Variants in CCSER1 observed in about 807,000 individuals in gnomAD.
CCSER1 encodes the protein coiled-coil serine rich protein 1.
Under a neutral mutation model 82.0 loss-of-function variants are expected in CCSER1, and 41 were observed. The ratio of observed to expected loss-of-function variants is 0.50; its 90% CI spans 0.39 to 0.65. CCSER1 has a LOEUF of 0.65. Among genes scored for constraint, CCSER1 ranks in the 30% least tolerant of loss-of-function variants. CCSER1 has a pLI of 0.00. For missense variants in CCSER1, 1,119 were observed against 1,064.2 expected (o/e 1.05, Z -0.72); for synonymous variants, 414 against 383.9 (o/e 1.08, Z -0.92).
At chr4:90,320,192 C>G (rs1736888163) in intron 3 of CCSER1, among the ~76,000 whole-genome samples, 1 of 152,018 alleles carries the variant, frequency 6.6e-6, no homozygotes, top group Non-Finnish European at 1.5e-5. Flanking sequence ...AATATAGCAC[C>G]TGGTGGAAAA....
chr4:90,207,066 A>C (rs764758645), intron 1 of CCSER1, among the ~76,000 whole-genome samples: 112 of 149,776 alleles, frequency 7.5e-4, no homozygotes, highest in Non-Finnish European at 1.4e-3. Flanking sequence ...CTTTATTTTG[A>C]GCCTGTTGTG....
At chr4:90,166,372 T>C (rs778027513) in intron 1 of CCSER1, among the ~76,000 whole-genome samples, 1 of 151,942 alleles carries the variant, frequency 6.6e-6, no homozygotes, top group Non-Finnish European at 1.5e-5. Context: ...TTTAGTGTTG[T>C]GTAATAGCAA....
chr4:90,510,091 C>G (rs566433042), intron 5 of CCSER1, among the ~76,000 whole-genome samples: 88 of 152,102 alleles, frequency 5.8e-4, no homozygotes, highest in African/African-American at 2.0e-3. Context: ...CACATTGGAA[C>G]ATAAGATATG....
chr4:90,873,571 A>G (rs888359229), intron 8 of CCSER1, among the ~76,000 whole-genome samples: 6 of 152,070 alleles, frequency 3.9e-5, no homozygotes, highest in Admixed American at 6.6e-5. Context: ...AACAAATAAT[A>G]TTTTGAAGCT....
intron 4 of CCSER1, among the ~76,000 whole-genome samples, chr4:90,427,102 A>T (rs1195721651): frequency 2.0e-5 from 3 of 152,048 alleles, no homozygotes; most frequent in African/African-American, 7.2e-5. Context: ...GTTTAGAGAC[A>T]ATTTTGTGTG....
intron 1 of CCSER1, among the ~76,000 whole-genome samples, chr4:90,298,135 G>T (rs1266566692): frequency 1.3e-5 from 2 of 151,972 alleles, no homozygotes; most frequent in Non-Finnish European, 2.9e-5. Flanking sequence ...GACTCTTTTT[G>T]GTTGGTAAGC....
At chr4:90,241,063 G>T (rs985889580) in intron 1 of CCSER1, among the ~76,000 whole-genome samples, 1 of 152,214 alleles carries the variant, frequency 6.6e-6, no homozygotes, top group Non-Finnish European at 1.5e-5. Flanking sequence ...GCCCCAGAGT[G>T]TGCACTAGTA....
intron 5 of CCSER1, among the ~76,000 whole-genome samples, chr4:90,571,421 C>G (rs747342105): frequency 6.6e-6 from 1 of 152,172 alleles, no homozygotes; most frequent in African/African-American, 2.4e-5. Context: ...GAAATCACGT[C>G]AATCATGTTC....
chr4:90,974,171 T>C (rs992140629), intron 9 of CCSER1, among the ~76,000 whole-genome samples: 1 of 151,600 alleles, frequency 6.6e-6, no homozygotes, highest in Admixed American at 6.6e-5. Context: ...AACAATACTG[T>C]ATTGTATACT....
chr4:90,232,687 A>C (rs1744853296), intron 1 of CCSER1, among the ~76,000 whole-genome samples: 1 of 142,472 alleles, frequency 7.0e-6, no homozygotes, highest in Admixed American at 7.0e-5. Flanking sequence ...TGAACAGGCA[A>C]CCTACAAAAT....
chr4:90,815,974 A>G (rs527456262), intron 8 of CCSER1, 129 bp downstream of exon 8: 1 of 537,444 alleles, frequency 1.9e-6, no homozygotes, highest in South Asian at 3.3e-5. Context: ...TCCAATGATC[A>G]GTTTTTATAA....
chr4:91,588,173 T>A (rs962726521), intron 10 of CCSER1, among the ~76,000 whole-genome samples: 1 of 151,528 alleles, frequency 6.6e-6, no homozygotes, highest in Non-Finnish European at 1.5e-5. Context: ...ATCTGTTTTC[T>A]CTTTGTTAGC....
intron 5 of CCSER1, among the ~76,000 whole-genome samples, chr4:90,494,700 T>A (rs1336830850): frequency 6.6e-6 from 1 of 152,202 alleles, no homozygotes; most frequent in Non-Finnish European, 1.5e-5. Context: ...TGGTGCTCAG[T>A]AATTTTATTG....
chr4:90,220,968 AAT>A (rs1742034516), intron 1 of CCSER1, among the ~76,000 whole-genome samples: 1 of 152,200 alleles, frequency 6.6e-6, no homozygotes, highest in Non-Finnish European at 1.5e-5. Flanking sequence ...TTAATCATGA[AAT>A]AATTTGGCAA....
Position 91,133,875 on chromosome 4 carries a change from C to A in CCSER1, c.2217+47881C>A, listed in dbSNP as rs144904113. ...CAGCCCTTTGGGAGGCCGAGGCAGG[C>A]GGATCATGAGGTCAGGAGTTCAAGA... On this transcript the variant is annotated intron_variant, in intron 10 of 10. Coordinates refer to ENST00000509176, the MANE Select transcript of CCSER1 (RefSeq NM_001145065.2). Among the ~76,000 whole-genome samples, 810 of 152,168 alleles carry A rather than the reference C, an allele frequency of 5.3e-3. 7 individuals are homozygous for A. The highest frequency in any genetic ancestry group is 0.018 in the African/African-American group (766 of 41,546).
intron 1 of CCSER1, among the ~76,000 whole-genome samples, chr4:90,195,158 A>G (rs749146550): frequency 2.0e-5 from 3 of 152,132 alleles, no homozygotes; most frequent in Non-Finnish European, 2.9e-5. Context: ...ATGGATAGTT[A>G]TAGCAGCCTT....
intron 10 of CCSER1, among the ~76,000 whole-genome samples, chr4:91,494,077 G>C (rs367898430): frequency 6.6e-6 from 1 of 151,864 alleles, no homozygotes; most frequent in African/African-American, 2.4e-5. Flanking sequence ...ACTGAAGAGA[G>C]CACGTTAGAT....
chr4:91,354,098 A>T (rs1748659497), intron 10 of CCSER1, among the ~76,000 whole-genome samples: 5 of 152,214 alleles, frequency 3.3e-5, no homozygotes. Flanking sequence ...AGAATAGTCA[A>T]GGCTTGACCA....
rs533214188 is a variant in CCSER1 at position 91,339,900 on chromosome 4, C to T, written c.2217+253906C>T. Among the ~76,000 whole-genome samples, 63 of 152,060 alleles carry T rather than the reference C, an allele frequency of 4.1e-4. No individual in the cohort carries two copies. The South Asian group carries it at 4.4e-3, about 11-fold the overall frequency. On this transcript the variant is annotated intron_variant, in intron 10 of 10. Transcript: ENST00000509176. ...TTGGGAGGCTGAAGCAGGCAGATCA[C>T]GAGGTCAGGAGTTCAAGACCAGCCT...
Sources: allele counts gnomAD v4.1 joint callset (sites outside exome capture counted in the v4.1 genomes callset), GRCh38; gene constraint gnomAD v4.1.1; transcripts MANE v1.5; gene names NCBI Gene and HGNC (gene_info 2026-07-23, HGNC 2026-07-21).